The following ATAD2 variants were observed in gnomAD, a reference collection of about 807,000 sequenced individuals.
The protein encoded by ATAD2 is ATPase family AAA domain containing 2, also known as ATPase family AAA domain-containing protein 2.
In ATAD2, 62 loss-of-function variants were observed where a neutral mutation model predicts 168.9. The ratio of observed to expected loss-of-function variants is 0.37; its 90% confidence interval spans 0.30 to 0.45. The LOEUF (loss-of-function observed/expected upper bound fraction) is 0.45. ATAD2 is among the 20% of genes least tolerant of loss of function. ATAD2 has a pLI of 1.00. For synonymous variants in ATAD2, 613 were observed against 571.6 expected (o/e 1.07, Z -1.03); for missense variants, 1,419 against 1,667.8 (o/e 0.85, Z 2.60).
rs199506118 is a variant in ATAD2, at chr8:123,396,315, C to T, written c.43G>A (p.Ala15Thr). ...RSSLELHNHS[A>T]ASATGSLDLS... ...TCCAAGGAGCCCGTGGCCGAGGCCG[C>T]GGAGTGGTTGTGCAGCTCCAAGCTG... is the stretch of plus-strand genomic sequence containing the variant. The change falls in exon 1 of 28, where the codon GCG becomes ACG. Residue 15 changes from alanine (A) to threonine (T), a missense_variant. Ala to Thr is a moderately conservative substitution (Grantham distance 58). Coordinates refer to ENST00000287394, the MANE Select transcript of ATAD2 (RefSeq NM_014109.4). 2.5e-5 allele frequency: 41 copies of T among 1,608,648 alleles called. No individual in the cohort carries two copies. The highest frequency in any genetic ancestry group is 3.1e-5 in the Non-Finnish European group (37 of 1,178,502).
intron 20 of ATAD2, among the ~76,000 whole-genome samples, chr8:123,338,215 C>CGTGCGCCTGTAGTAAAATACAAAAAAAT (rs1827971059): frequency 6.6e-6 from 1 of 152,048 alleles, no homozygotes; most frequent in Non-Finnish European, 1.5e-5. Context: ...AATTAGCTGG[C>CGTGCGCCTGTAGTAAAATACAAAAAAAT]GTGGTGGCGT....
chr8:123,346,741 C>A lies in ATAD2; in HGVS notation c.2222G>T (p.Cys741Phe). 6.3e-7 allele frequency: 1 copy of A among 1,582,584 alleles called. No individual in the cohort carries two copies. Among genetic ancestry groups the A allele is most frequent in the Admixed American group, 2.0e-5 (1 of 50,340 alleles). Residue 741 changes from cysteine to phenylalanine, a missense_variant, in exon 17 of 28, where the codon TGT (cysteine) becomes TTT (phenylalanine). This residue lies in a region of ATAD2 where 545 missense variants were observed against 724.9 expected (regional missense o/e 0.75). Transcript: ENST00000287394. ...AGCCAAGTCACTTTCTAGCAGAGGA[C>A]AAGAAATATCTATAAAACCAAAAAA... ...TNKTLDSDIS[C>F]PLLESDLAYS...
intron 22 of ATAD2, among the ~76,000 whole-genome samples, chr8:123,335,915 TGGG>T: frequency 6.6e-6 from 1 of 152,260 alleles, no homozygotes; most frequent in East Asian, 1.9e-4. Flanking sequence ...AGAAAGGAAA[TGGG>T]GGACTAGATT....
intron 15 of ATAD2, among the ~76,000 whole-genome samples, chr8:123,347,628 A>G (rs1456241487): frequency 6.6e-6 from 1 of 152,200 alleles, no homozygotes; most frequent in African/African-American, 2.4e-5. Flanking sequence ...GCAATACACA[A>G]GCACTAAGTA....
At chr8:123,355,759 T>C (rs559328193) in intron 13 of ATAD2, among the ~76,000 whole-genome samples, 25 of 152,332 alleles carry the variant, frequency 1.6e-4, no homozygotes, top group African/African-American at 2.6e-4. Flanking sequence ...CAACTGAATA[T>C]GCTCTTGTGA....
At chr8:123,321,560 TAGTTACCAATA>T (rs1438695495) in intron 27 of ATAD2, among the ~76,000 whole-genome samples, 1 of 151,950 alleles carries the variant, frequency 6.6e-6, no homozygotes, top group African/African-American at 2.4e-5. Flanking sequence ...TTATATTTTG[TAGTTACCAATA>T]ATATGCATAT....
At position 123,326,034 on chromosome 8, in the gene ATAD2, G is replaced by GA; in HGVS notation, c.3869-9dup. The GA allele has an allele frequency of 6.2e-7, 1 of 1,611,904 alleles. No individual in the cohort carries two copies. Among genetic ancestry groups the GA allele is most frequent in the Non-Finnish European group, 8.5e-7 (1 of 1,179,124 alleles). Reference sequence around the variant, plus strand: ...TTCGCAGAACACACATTTCTAGAATGAAAAATCAAATGATTATTATTTGGT... The same window carrying GA: ...TTCGCAGAACACACATTTCTAGAATGAAAAAATCAAATGATTATTATTTGGT... On this transcript the variant is annotated splice_polypyrimidine_tract_variant and intron_variant, in intron 25 of 27. Coordinates refer to ENST00000287394, the MANE Select transcript of ATAD2 (RefSeq NM_014109.4).
intron 1 of ATAD2, chr8:123,380,919 GT>G (rs1191786935): frequency 2.4e-6 from 1 of 423,488 alleles, no homozygotes; most frequent in African/African-American, 2.0e-5. Context: ...ATAACAAGTA[GT>G]TCATAACCAC....
chr8:123,362,887 TGA>T (rs1166505026), intron 8 of ATAD2, among the ~76,000 whole-genome samples: 2 of 152,212 alleles, frequency 1.3e-5, no homozygotes, highest in African/African-American at 4.8e-5. Flanking sequence ...TAAATGTGGA[TGA>T]GTTACTCAAC....
chr8:123,324,259 G>A (rs535581536), intron 26 of ATAD2, among the ~76,000 whole-genome samples: 1 of 152,282 alleles, frequency 6.6e-6, no homozygotes, highest in African/African-American at 2.4e-5. Context: ...AAGTTCATTA[G>A]TACTAACAGG....
chr8:123,402,119 A>G lies in ATAD2; in HGVS notation c.-2281-944T>C. The stretch of plus-strand genomic sequence containing the variant: ...GAAGCGGCTGTACTGACAGCAGTGG[A>G]GGCCGAGGTGGTGGAGGGGGCACCC... On this transcript the variant is annotated intron_variant, in intron 1 of 28. Coordinates refer to the ATAD2 transcript ENST00000521903. The surrounding 1 kb of genome is among the most constrained non-coding windows in gnomAD (Gnocchi z 4.8). 1 of 920,892 alleles carries G rather than the reference A, an allele frequency of 1.1e-6. No individual in the cohort carries two copies. 57.0% of individuals were successfully genotyped at this position (920,892 alleles called of 1,614,324 possible).
At chr8:123,358,190 A>G (rs1777964449) in intron 11 of ATAD2, among the ~76,000 whole-genome samples, 1 of 152,142 alleles carries the variant, frequency 6.6e-6, no homozygotes, top group African/African-American at 2.4e-5. Flanking sequence ...TAACTTTCTG[A>G]CTTATTTTTA....
intron 13 of ATAD2, chr8:123,356,168 G>A (rs1828638877): frequency 1.2e-5 from 3 of 249,856 alleles, no homozygotes; most frequent in Non-Finnish European, 2.3e-5. Context: ...GACCTCAAGT[G>A]ATCTGCCTGC....
At chr8:123,328,892 C>T (rs980698575) in intron 24 of ATAD2, among the ~76,000 whole-genome samples, 1 of 150,336 alleles carries the variant, frequency 6.7e-6, no homozygotes, top group Admixed American at 6.6e-5. Flanking sequence ...GCTCTGCCTC[C>T]CGGGTTCATG....
At position 123,369,160 on chromosome 8, in the gene ATAD2, C is replaced by T; in HGVS notation, c.947G>A (p.Arg316Lys). Residue 316 changes from arginine to lysine, a missense_variant, in exon 8 of 28, where the codon AGA becomes AAA. Arg to Lys is a conservative substitution (Grantham distance 26). Around this residue, in one of 5 missense-constraint regions of ATAD2, gnomAD observed 419 missense variants for 423.5 expected, o/e 0.99. Transcript: ENST00000287394. Reference protein sequence around the residue: ...QAPLEKPRHQRKPNIFYSGPA... With the variant: ...QAPLEKPRHQKKPNIFYSGPA... ...GCCACTATAAAATATGTTGGGCTTTCTCTGGTGACGAGGTTCTAAAAAAAA... is the reference window on the plus strand; with the variant it reads ...GCCACTATAAAATATGTTGGGCTTTTTCTGGTGACGAGGTTCTAAAAAAAA... The T allele has an allele frequency of 6.5e-7, 1 of 1,540,350 alleles. No individual in the cohort carries two copies. The highest frequency in any genetic ancestry group is 8.8e-7 in the Non-Finnish European group (1 of 1,135,276).
chr8:123,411,450 A>G (rs961717583), intron 1 of ATAD2, among the ~76,000 whole-genome samples: 2 of 152,202 alleles, frequency 1.3e-5, no homozygotes, highest in Non-Finnish European at 2.9e-5. Context: ...ACTGAGAGAC[A>G]GGACTAGCTG....
chr8:123,324,887 T>C (rs1277289888), intron 26 of ATAD2, among the ~76,000 whole-genome samples: 1 of 152,048 alleles, frequency 6.6e-6, no homozygotes, highest in Non-Finnish European at 1.5e-5. Context: ...ATTTTCTCTC[T>C]GATTCCTACC....
chr8:123,390,673 AC>A (rs1282029559), intron 1 of ATAD2, among the ~76,000 whole-genome samples: 1 of 152,260 alleles, frequency 6.6e-6, no homozygotes, highest in Non-Finnish European at 1.5e-5. Context: ...TTAAAATAGT[AC>A]CTTCTACATA....
intron 13 of ATAD2, among the ~76,000 whole-genome samples, chr8:123,355,880 T>TC (rs1304494556): frequency 1.3e-5 from 2 of 152,136 alleles, no homozygotes; most frequent in African/African-American, 4.8e-5. Flanking sequence ...GTAACCAAGA[T>TC]TTTTAAACCA....
Sources: allele counts gnomAD v4.1 joint callset (sites outside exome capture counted in the v4.1 genomes callset), GRCh38; gene constraint gnomAD v4.1.1; regional missense constraint gnomAD v4.1.1; non-coding constraint Gnocchi (gnomAD v3.1); transcripts MANE v1.5; gene names NCBI Gene and HGNC (gene_info 2026-07-23, HGNC 2026-07-21).